The following APBA2 variants were observed in gnomAD, a reference collection of about 807,000 sequenced individuals.
APBA2 encodes the protein amyloid-beta A4 precursor protein-binding family A member 2.
Under a neutral mutation model 75.0 loss-of-function variants are expected in APBA2, and 30 were observed. The ratio of observed to expected loss-of-function variants is 0.40; its 90% CI spans 0.30 to 0.54. The LOEUF (loss-of-function observed/expected upper bound fraction) is 0.54. Among genes scored for constraint, APBA2 ranks in the 20% least tolerant of loss-of-function variants. The pLI, the probability that APBA2 is intolerant of heterozygous loss-of-function variation, is 0.49. For missense variants in APBA2, 801 were observed against 1,016.1 expected, an observed-to-expected ratio of 0.79 and a Z score of 2.88; for synonymous variants, 444 against 409.6, an observed-to-expected ratio of 1.08 and a Z score of -1.01.
chr15:29,085,969 C>T (rs956866804), intron 6 of APBA2, among the ~76,000 whole-genome samples: 4 of 152,166 alleles, frequency 2.6e-5, no homozygotes, highest in African/African-American at 9.7e-5. Flanking sequence ...TGAGTCCTTC[C>T]CTCCCCCTGT....
At chr15:29,044,600 C>T (rs996027963) in intron 3 of APBA2, among the ~76,000 whole-genome samples, 3 of 152,016 alleles carry the variant, frequency 2.0e-5, no homozygotes, top group Non-Finnish European at 4.4e-5. Context: ...CTCCTGGCCA[C>T]ACCCCCCCTG....
chr15:28,971,593 G>T (rs1371031605), intron 2 of APBA2, among the ~76,000 whole-genome samples: 3 of 152,204 alleles, frequency 2.0e-5, no homozygotes, highest in Non-Finnish European at 2.9e-5. Flanking sequence ...ATGTTTCCTG[G>T]AGGTTTGGTG....
chr15:28,922,705 A>G (rs1229330208), intron 2 of APBA2, among the ~76,000 whole-genome samples: 1 of 152,034 alleles, frequency 6.6e-6, no homozygotes, highest in African/African-American at 2.4e-5. Context: ...CCCTGTTCCC[A>G]GGAGCTGGCT....
At chr15:29,103,574 C>A (rs887376256) in intron 10 of APBA2, among the ~76,000 whole-genome samples, 1 of 152,222 alleles carries the variant, frequency 6.6e-6, no homozygotes, top group Non-Finnish European at 1.5e-5. Context: ...GGCACACCAG[C>A]GGCCCAGATG....
intron 3 of APBA2, among the ~76,000 whole-genome samples, chr15:29,044,776 G>A (rs766727619): frequency 3.9e-5 from 6 of 152,220 alleles, no homozygotes; most frequent in Non-Finnish European, 5.9e-5. Flanking sequence ...CATAATGTGG[G>A]TTCAGCAGGG....
chr15:29,057,719 T>G (rs1348567028), intron 4 of APBA2, among the ~76,000 whole-genome samples: 1 of 152,238 alleles, frequency 6.6e-6, no homozygotes, highest in Non-Finnish European at 1.5e-5. Flanking sequence ...CTGTATAACA[T>G]ATTTCTCTGT....
At position 29,105,964 on chromosome 15, in the gene APBA2, A is replaced by T. The variant is rs73370281; in HGVS notation, c.1704+406A>T. On this transcript the variant is annotated intron_variant, in intron 11 of 14. Transcript: ENST00000683413. ...TGGCTTCCCCCAGGGGACTTTGGAAAGTTCTTATGGGCAGAGGAGCAAATT... is the reference window on the plus strand; with the variant it reads ...TGGCTTCCCCCAGGGGACTTTGGAATGTTCTTATGGGCAGAGGAGCAAATT... Among the ~76,000 whole-genome samples, 343 of 152,334 alleles carry T rather than the reference A, an allele frequency of 2.3e-3. 1 individual carries two copies. Among genetic ancestry groups the T allele is most frequent in the African/African-American group, 7.8e-3 (323 of 41,574 alleles).
intron 13 of APBA2, 70 bp from the exon 14 acceptor site, chr15:29,113,806 T>C: frequency 6.3e-7 from 1 of 1,586,848 alleles, no homozygotes; most frequent in South Asian, 1.1e-5. Flanking sequence ...TGTCCCATCT[T>C]TGGGGACGTG....
At chr15:28,965,130 C>T (rs947894401) in intron 2 of APBA2, among the ~76,000 whole-genome samples, 3 of 151,442 alleles carry the variant, frequency 2.0e-5, no homozygotes, top group Non-Finnish European at 4.4e-5. Context: ...ATTCATTTTG[C>T]GTTAGTTTTT....
In APBA2 at chr15:28,996,803, T is replaced by A. The variant is rs771352022; in HGVS notation, c.-41+997T>A. ...CAGGGAGGCAGTTCAGAGTGTTACA[T>A]GCAAGGCAGCGGTGGCCTTGGGAAC... On this transcript the variant is annotated intron_variant, in intron 3 of 14. Coordinates refer to ENST00000683413, the MANE Select transcript of APBA2 (RefSeq NM_001353788.2). Among the ~76,000 whole-genome samples, 53 of 152,272 alleles carry A rather than the reference T, an allele frequency of 3.5e-4. 1 individual carries two copies. Among genetic ancestry groups the A allele is most frequent in the Non-Finnish European group, 6.8e-4 (46 of 68,020 alleles).
chr15:29,054,482 G>A lies in APBA2; in HGVS notation c.598G>A (p.Glu200Lys). ...KEGYQDYYPEEANGNTGASPY... is the reference protein window; with the variant it reads ...KEGYQDYYPEKANGNTGASPY... ...GGGCTACCAGGACTACTACCCCGAG[G>A]AGGCCAACGGGAACACCGGCGCCTC... The change falls in exon 4 of 15, where the codon GAG becomes AAG. Residue 200 changes from glutamate to lysine, a missense_variant. By Grantham distance (56) the Glu-to-Lys change is moderately conservative. Transcript: ENST00000683413. This position sits in a 1 kb window ranked among gnomAD's most constrained non-coding sequence, Gnocchi z 6.1. The A allele has an allele frequency of 6.2e-7, 1 of 1,614,054 alleles. No individual in the cohort carries two copies. Among genetic ancestry groups the A allele is most frequent in the East Asian group, 2.2e-5 (1 of 44,876 alleles).
intron 1 of APBA2, among the ~76,000 whole-genome samples, chr15:28,889,471 G>T (rs529745549): frequency 7.6e-4 from 115 of 152,306 alleles, no homozygotes; most frequent in Non-Finnish European, 6.9e-4. Flanking sequence ...GCTTTCCAGT[G>T]CTCCCTCCAC....
At chr15:29,036,204 A>T (rs2040743037) in intron 3 of APBA2, among the ~76,000 whole-genome samples, 1 of 152,034 alleles carries the variant, frequency 6.6e-6, no homozygotes, top group African/African-American at 2.4e-5. Context: ...TCAGTGCCTG[A>T]CAGATGGCCT....
chr15:28,997,864 C>T (rs938896891), intron 3 of APBA2, among the ~76,000 whole-genome samples: 4 of 152,182 alleles, frequency 2.6e-5, no homozygotes, highest in African/African-American at 9.7e-5. Flanking sequence ...ATTGCTCTCA[C>T]CCATCTGCAG....
intron 2 of APBA2, among the ~76,000 whole-genome samples, chr15:28,922,598 G>A (rs999419093): frequency 2.5e-4 from 38 of 152,274 alleles, no homozygotes; most frequent in African/African-American, 8.4e-4. Context: ...TTAGTGGGCC[G>A]TCTGAGCCAC....
Position 29,054,830 on chromosome 15 carries a change from G to C in APBA2, c.946G>C (p.Glu316Gln). Residue 316 changes from glutamate to glutamine, a missense_variant, in exon 4 of 15, where the codon GAG becomes CAG. By Grantham distance (29) the Glu-to-Gln change is conservative. Transcript: ENST00000683413. This position sits in a 1 kb window ranked among gnomAD's most constrained non-coding sequence, Gnocchi z 6.1. ...TPEERLKWPHEQVCNGLEQPR... is the reference protein window; with the variant it reads ...TPEERLKWPHQQVCNGLEQPR... The stretch of plus-strand genomic sequence containing the variant: ...AGAAGAGAGGCTGAAGTGGCCCCAC[G>C]AGCAGGTAGGACCCTGGCTGTCCTG... 6.3e-7 allele frequency: 1 copy of C among 1,597,738 alleles called. No homozygotes were observed.
At chr15:29,038,047 G>T (rs1480394896) in intron 3 of APBA2, among the ~76,000 whole-genome samples, 1 of 152,162 alleles carries the variant, frequency 6.6e-6, no homozygotes. Context: ...ATGGATCCTG[G>T]TGTCCTGCAC....
intron 3 of APBA2, among the ~76,000 whole-genome samples, chr15:29,014,719 T>C (rs1011161842): frequency 6.6e-6 from 1 of 151,570 alleles, no homozygotes; most frequent in Non-Finnish European, 1.5e-5. Context: ...TTTTTTTTTT[T>C]TTTTAAAGAG....
rs187584737 is a variant in APBA2 at position 29,016,624 on chromosome 15, G to C, written c.-41+20818G>C. On this transcript the variant is annotated intron_variant, in intron 3 of 14. Coordinates refer to ENST00000683413, the MANE Select transcript of APBA2 (RefSeq NM_001353788.2). Reference sequence around the variant, plus strand: ...GCCAGGGGAAAACTGGGAATAGCTGGCTGGCTTTTCAGAAGGGAGTCATTA... The same window carrying C: ...GCCAGGGGAAAACTGGGAATAGCTGCCTGGCTTTTCAGAAGGGAGTCATTA... Among the ~76,000 whole-genome samples, 219 of 152,284 alleles carry C rather than the reference G, an allele frequency of 1.4e-3. 1 individual carries two copies. The highest frequency in any genetic ancestry group is 4.9e-3 in the African/African-American group (205 of 41,536).
Sources: gnomAD v4.1 joint callset for allele counts (sites outside exome capture counted in the v4.1 genomes callset) on GRCh38, gnomAD v4.1.1 for gene constraint, Gnocchi (gnomAD v3.1) non-coding constraint, MANE v1.5 for transcripts, NCBI Gene and HGNC (gene_info 2026-07-23, HGNC 2026-07-21) for gene names.